The following DLGAP2 variants were observed in gnomAD, a reference collection of about 807,000 sequenced individuals.
DLGAP2 encodes disks large-associated protein 2.
In DLGAP2, 26 loss-of-function variants were observed where a neutral mutation model predicts 100.3. The observed-to-expected ratio is 0.26, with a 90% CI of 0.19 to 0.36. The LOEUF is 0.36. DLGAP2 is among the 10% of genes least tolerant of loss of function. DLGAP2 has a pLI of 1.00. For missense variants in DLGAP2, 1,858 were observed against 1,453.2 expected, an observed-to-expected ratio of 1.28 and a Z score of -4.53; for synonymous variants, 886 against 630.1, an observed-to-expected ratio of 1.41 and a Z score of -6.08.
intron 3 of DLGAP2, among the ~76,000 whole-genome samples, chr8:1,450,445 CCT>C (rs1798122593): frequency 7.7e-6 from 1 of 130,112 alleles, no homozygotes; most frequent in Non-Finnish European, 1.6e-5. Context: ...AGGTGGGCGG[CCT>C]CGGTGGCTGT....
intron 1 of DLGAP2, among the ~76,000 whole-genome samples, chr8:851,405 C>T (rs1797180763): frequency 6.6e-6 from 1 of 152,218 alleles, no homozygotes; most frequent in Admixed American, 6.5e-5. Context: ...CTGTGAGCGA[C>T]ATGTAAGCTC....
At chr8:1,080,970 C>A (rs935305975) in intron 2 of DLGAP2, among the ~76,000 whole-genome samples, 1 of 152,114 alleles carries the variant, frequency 6.6e-6, no homozygotes, top group Non-Finnish European at 1.5e-5. Flanking sequence ...GATAGTTTAA[C>A]AATACAAAAT....
chr8:1,132,043 G>T (rs1023475321), intron 2 of DLGAP2, among the ~76,000 whole-genome samples: 1 of 152,164 alleles, frequency 6.6e-6, no homozygotes, highest in Non-Finnish European at 1.5e-5. Flanking sequence ...GAATAAGATG[G>T]TGTGTGTGTT....
chr8:996,602 T>C (rs1008792465), intron 2 of DLGAP2, among the ~76,000 whole-genome samples: 2 of 152,218 alleles, frequency 1.3e-5, no homozygotes, highest in African/African-American at 2.4e-5. Flanking sequence ...CAAGTTTCGT[T>C]ATCAACCTTA....
At chr8:1,693,284 C>G (rs985902218) in intron 13 of DLGAP2, among the ~76,000 whole-genome samples, 1 of 148,682 alleles carries the variant, frequency 6.7e-6, no homozygotes, top group African/African-American at 2.5e-5. Flanking sequence ...ATACATTTGC[C>G]TACACACATG....
intron 3 of DLGAP2, among the ~76,000 whole-genome samples, chr8:1,462,753 G>A (rs1252045765): frequency 2.0e-5 from 3 of 152,204 alleles, no homozygotes; most frequent in East Asian, 1.9e-4. Context: ...ACGTCCCCCC[G>A]CAGAGGCCAG....
intron 2 of DLGAP2, among the ~76,000 whole-genome samples, chr8:1,090,714 C>G (rs1171682188): frequency 6.6e-6 from 1 of 152,126 alleles, no homozygotes; most frequent in Non-Finnish European, 1.5e-5. Flanking sequence ...CCAGGGCACC[C>G]TGGGGTTTGT....
At chr8:1,653,781 C>T (rs1331721269) in intron 8 of DLGAP2, among the ~76,000 whole-genome samples, 1 of 152,140 alleles carries the variant, frequency 6.6e-6, no homozygotes, top group African/African-American at 2.4e-5. Flanking sequence ...GAGATTATGA[C>T]ATCCATAGTG....
chr8:885,420 C>G (rs113036049), intron 1 of DLGAP2, among the ~76,000 whole-genome samples: 111 of 152,088 alleles, frequency 7.3e-4, no homozygotes, highest in African/African-American at 2.5e-3. Context: ...TGATTTGGCT[C>G]TTTGTCTATT....
intron 1 of DLGAP2, among the ~76,000 whole-genome samples, chr8:858,979 T>G (rs1797338132): frequency 6.6e-6 from 1 of 152,244 alleles, no homozygotes; most frequent in South Asian, 2.1e-4. Context: ...AGGGGTTATA[T>G]GTGAACTCTG....
chr8:887,182 GA>G (rs1266844545), intron 1 of DLGAP2, among the ~76,000 whole-genome samples: 1 of 151,886 alleles, frequency 6.6e-6, no homozygotes. Flanking sequence ...CAGAGATTAG[GA>G]TTGCAACCCC....
intron 3 of DLGAP2, among the ~76,000 whole-genome samples, chr8:1,440,611 G>A (rs1300067506): frequency 6.6e-6 from 1 of 152,232 alleles, no homozygotes; most frequent in Non-Finnish European, 1.5e-5. Flanking sequence ...AATTTTAGAA[G>A]ACTCATGGGC....
intron 3 of DLGAP2, among the ~76,000 whole-genome samples, chr8:1,456,471 C>T (rs930100434): frequency 1.3e-5 from 2 of 152,122 alleles, no homozygotes; most frequent in African/African-American, 4.8e-5. Flanking sequence ...TTGCACACAG[C>T]GGATCAAGAA....
intron 3 of DLGAP2, among the ~76,000 whole-genome samples, chr8:1,499,517 G>A (rs1799646561): frequency 6.6e-6 from 1 of 152,200 alleles, no homozygotes; most frequent in South Asian, 2.1e-4. Flanking sequence ...ATTTCTACAT[G>A]AATGAGACCA....
intron 5 of DLGAP2, among the ~76,000 whole-genome samples, chr8:1,555,038 T>G (rs1176219396): frequency 6.6e-6 from 1 of 152,118 alleles, no homozygotes; most frequent in Admixed American, 6.5e-5. Context: ...CGTTTGCAAT[T>G]TGAAAGGAGG....
chr8:1,117,356 C>T (rs1246726501), intron 2 of DLGAP2, among the ~76,000 whole-genome samples: 2 of 152,190 alleles, frequency 1.3e-5, no homozygotes, highest in African/African-American at 4.8e-5. Context: ...TGACGATGCA[C>T]GGTCTTCTTT....
intron 2 of DLGAP2, among the ~76,000 whole-genome samples, chr8:969,213 T>C (rs773995705): frequency 4.6e-4 from 70 of 152,322 alleles, no homozygotes; most frequent in South Asian, 8.3e-4. Context: ...TCTGAGAGAA[T>C]TCCTGCTTCA....
chr8:1,527,412 ATGGCGCCAGGAAG>A (rs1189442296), intron 4 of DLGAP2, among the ~76,000 whole-genome samples: 8 of 152,214 alleles, frequency 5.3e-5, no homozygotes, highest in Non-Finnish European at 1.0e-4. Context: ...TGCAGGACAG[ATGGCGCCAGGAAG>A]AGGATGTCAG....
chr8:916,546 T>TA (rs1339693092), intron 2 of DLGAP2, among the ~76,000 whole-genome samples: 1 of 152,004 alleles, frequency 6.6e-6, no homozygotes, highest in Admixed American at 6.6e-5. Flanking sequence ...TTAGGAGAAA[T>TA]ACCTAATGTA....
Sources: allele counts gnomAD v4.1 joint callset (sites outside exome capture counted in the v4.1 genomes callset), GRCh38; gene constraint gnomAD v4.1.1; transcripts MANE v1.5; gene names NCBI Gene and HGNC (gene_info 2026-07-23, HGNC 2026-07-21).